Variants in NUP155 observed in about 807,000 individuals in gnomAD.
NUP155 encodes the protein nucleoporin 155.
NUP155 carries 71 observed loss-of-function variants against 180.4 expected under a neutral mutation model. That is an observed-to-expected ratio of 0.39 (90% CI 0.33 to 0.48). The LOEUF is 0.48. Ranked by LOEUF, NUP155 falls within the 20% of genes least tolerant of loss-of-function variation. The pLI is 0.91. For synonymous variants in NUP155, 582 were observed against 559.5 expected, an observed-to-expected ratio of 1.04 and a Z score of -0.57; for missense variants, 1,553 against 1,648.9, an observed-to-expected ratio of 0.94 and a Z score of 1.01.
intron 11 of NUP155, among the ~76,000 whole-genome samples, chr5:37,340,813 A>G (rs2150976136): frequency 6.6e-6 from 1 of 152,304 alleles, no homozygotes; most frequent in Non-Finnish European, 1.5e-5. Context: ...TACAATTTCA[A>G]ATTTTATTTT....
chr5:37,346,687 A>G (rs908227202), intron 9 of NUP155, among the ~76,000 whole-genome samples: 2 of 151,296 alleles, frequency 1.3e-5, no homozygotes, highest in African/African-American at 4.9e-5. Context: ...CAAAAAAAAA[A>G]GAGAGAGAGA....
At position 37,307,346 on chromosome 5, in the gene NUP155, G is replaced by A. The variant is rs1459412360; in HGVS notation, c.2854C>T (p.His952Tyr). 6.2e-7 allele frequency: 1 copy of A among 1,613,980 alleles called. No homozygotes were observed. The highest frequency in any genetic ancestry group is 1.7e-5 in the Admixed American group (1 of 60,008). ...PQGLGLHFYK[H>Y]GEPEEDIVGL... ...ACTATGTCTTCTTCTGGTTCTCCAT[G>A]TTTATAGAAATGAAGCCCAAGACCT... The change falls in exon 25 of 35, where the codon CAT (histidine) becomes TAT (tyrosine). Residue 952 changes from histidine (H) to tyrosine (Y), a missense_variant. Physicochemically the swap from His to Tyr is moderately conservative, Grantham distance 83. Coordinates refer to ENST00000231498, the MANE Select transcript of NUP155 (RefSeq NM_153485.3).
chr5:37,371,046 A>T lies in NUP155; in HGVS notation c.-69T>A. 6.4e-7 allele frequency: 1 copy of T among 1,555,832 alleles called. No homozygotes were observed. Among genetic ancestry groups the T allele is most frequent in the Non-Finnish European group, 8.8e-7 (1 of 1,136,388 alleles). ...AAGGAGAAACAAGAAAAGATCCAAG[A>T]AGTTAGCTTAGATCCGCCGCCTAGG... On this transcript the variant is annotated 5_prime_UTR_variant, in exon 1 of 35. Coordinates refer to ENST00000231498, the MANE Select transcript of NUP155 (RefSeq NM_153485.3).
intron 5 of NUP155, among the ~76,000 whole-genome samples, chr5:37,351,944 C>T (rs1023770045): frequency 1.3e-5 from 2 of 151,982 alleles, no homozygotes; most frequent in African/African-American, 2.4e-5. Context: ...CTAACCCGGC[C>T]GGGTGCCGTG....
chr5:37,365,738 A>AAAAAAAAATAT (rs1561818758), intron 1 of NUP155, among the ~76,000 whole-genome samples: 1 of 37,132 alleles, frequency 2.7e-5, no homozygotes, highest in Non-Finnish European at 4.6e-5. Context: ...AAAAAAAAAA[A>AAAAAAAAATAT]ATATATATAT....
Position 37,328,374 on chromosome 5 carries a change from CA to C in NUP155, c.1859del (p.Leu620TrpfsTer30). On this transcript the variant is annotated frameshift_variant, in exon 17 of 35. Coordinates refer to ENST00000231498, the MANE Select transcript of NUP155 (RefSeq NM_153485.3). LOFTEE classifies it high-confidence loss of function. Reference sequence around the variant, plus strand: ...AAGAGGTACCATGAGACGGTGTTCCCAAAAAGGATGGATTTGGATAGGGACT... The same window carrying C: ...AAGAGGTACCATGAGACGGTGTTCCCAAAAGGATGGATTTGGATAGGGACT... ...SGSPYPNPSF[L>X]GTPSHGIQPP... The C allele has an allele frequency of 1.2e-6, 2 of 1,609,300 alleles. No homozygotes were observed. Among genetic ancestry groups the C allele is most frequent in the Admixed American group, 1.7e-5 (1 of 59,978 alleles).
chr5:37,348,010 C>T (rs1746212128), intron 9 of NUP155, among the ~76,000 whole-genome samples: 2 of 151,990 alleles, frequency 1.3e-5, no homozygotes, highest in South Asian at 4.2e-4. Context: ...GGTGCATGTC[C>T]GTAATCCCAA....
At chr5:37,367,081 T>C (rs1003047569) in intron 1 of NUP155, among the ~76,000 whole-genome samples, 3 of 151,790 alleles carry the variant, frequency 2.0e-5, no homozygotes, top group African/African-American at 7.3e-5. Flanking sequence ...GGTTTCACTC[T>C]GTCGCCTTGG....
chr5:37,336,467 T>C (rs1186653617), intron 12 of NUP155, among the ~76,000 whole-genome samples: 1 of 152,096 alleles, frequency 6.6e-6, no homozygotes, highest in Non-Finnish European at 1.5e-5. Context: ...TTAACATTTA[T>C]GGAATGGTGC....
chr5:37,365,714 A>G (rs1393599051), intron 1 of NUP155, among the ~76,000 whole-genome samples: 3 of 15,512 alleles, frequency 1.9e-4, no homozygotes, highest in African/African-American at 1.2e-3. Context: ...TCTCGGGGAG[A>G]AAAAAAAAAA....
chr5:37,366,821 TTTTTA>T (rs1747615178), intron 1 of NUP155, among the ~76,000 whole-genome samples: 1 of 152,046 alleles, frequency 6.6e-6, no homozygotes, highest in African/African-American at 2.4e-5. Context: ...CAGGCTAATT[TTTTTA>T]TTTTTAGTAG....
At chr5:37,294,299 T>C in intron 33 of NUP155, 30 bp downstream of exon 33, 1 of 1,425,000 alleles carries the variant, frequency 7.0e-7, no homozygotes, top group Non-Finnish European at 9.6e-7. Flanking sequence ...TTAAAGAAAA[T>C]AATTTTATGT....
chr5:37,347,261 T>G (rs904736259), intron 9 of NUP155, among the ~76,000 whole-genome samples: 2 of 151,878 alleles, frequency 1.3e-5, no homozygotes, highest in African/African-American at 4.8e-5. Flanking sequence ...AAAGAGTGAA[T>G]AGTTAAAAGT....
In NUP155 at chr5:37,290,504, A is replaced by G. The variant is rs375258440; in HGVS notation, c.*1396T>C. Reference sequence around the variant, plus strand: ...AAAAAAAAAAAAAAGAGAGAAAGGAATAGAGTGTTTTGTTAGCTCTGGTCA... The same window carrying G: ...AAAAAAAAAAAAAAGAGAGAAAGGAGTAGAGTGTTTTGTTAGCTCTGGTCA... On this transcript the variant is annotated 3_prime_UTR_variant, in exon 35 of 35. Coordinates refer to ENST00000231498, the MANE Select transcript of NUP155 (RefSeq NM_153485.3). 1.2e-4 allele frequency: 18 copies of G among 151,794 alleles called. No individual in the cohort carries two copies. Among genetic ancestry groups the G allele is most frequent in the African/African-American group, 4.4e-4 (18 of 41,372 alleles). The allele number at this position is 151,794 out of a possible 1,614,324, so 9.4% of individuals were successfully genotyped here. A position where few individuals can be genotyped will look rare whatever the true frequency, so the allele number is the denominator to read the frequency against.
At chr5:37,316,156 A>G (rs1743869643) in intron 21 of NUP155, among the ~76,000 whole-genome samples, 1 of 152,196 alleles carries the variant, frequency 6.6e-6, no homozygotes, top group Admixed American at 6.5e-5. Flanking sequence ...AACGGAAGTA[A>G]CTCAGTGTCC....
intron 25 of NUP155, among the ~76,000 whole-genome samples, chr5:37,306,240 GA>G (rs1029361284): frequency 2.0e-5 from 3 of 148,808 alleles, no homozygotes; most frequent in Non-Finnish European, 3.0e-5. Context: ...AAATTAAAGA[GA>G]AAAAAAAAAT....
At position 37,364,265 on chromosome 5, in the gene NUP155, G is replaced by C. The variant is rs755721352; in HGVS notation, c.277C>G (p.Leu93Val). 6.2e-7 allele frequency: 1 copy of C among 1,612,944 alleles called. No homozygotes were observed. Among genetic ancestry groups the C allele is most frequent in the South Asian group, 1.1e-5 (1 of 91,054 alleles). Residue 93 changes from leucine (L) to valine (V), a missense_variant, in exon 2 of 35, where the codon CTT becomes GTT. By Grantham distance (32) the Leu-to-Val change is conservative. Transcript: ENST00000231498. Reference sequence around the variant, plus strand: ...AGGATACGTCCAAACTGCTCAACAAGTTCAGGTGGGAGAGGAACTCTTCGG... The same window carrying C: ...AGGATACGTCCAAACTGCTCAACAACTTCAGGTGGGAGAGGAACTCTTCGG... ...SIRRVPLPPE[L>V]VEQFGHMQCN...
chr5:37,353,107 G>C (rs1229698288), intron 4 of NUP155, among the ~76,000 whole-genome samples: 6 of 151,524 alleles, frequency 4.0e-5, no homozygotes, highest in Admixed American at 2.6e-4. Context: ...TATTTTAAAA[G>C]TGTTATATTA....
intron 33 of NUP155, among the ~76,000 whole-genome samples, chr5:37,293,747 C>T (rs1742357012): frequency 1.3e-5 from 1 of 77,418 alleles, no homozygotes; most frequent in Non-Finnish European, 2.1e-5. Flanking sequence ...CGCCTGTAAT[C>T]CCAGCACTTT....
Sources: gnomAD v4.1 joint callset for allele counts (sites outside exome capture counted in the v4.1 genomes callset) on GRCh38, gnomAD v4.1.1 for gene constraint, MANE v1.5 for transcripts, NCBI Gene and HGNC (gene_info 2026-07-23, HGNC 2026-07-21) for gene names.